The following NIM1K variants were observed in gnomAD, a reference collection of about 807,000 sequenced individuals.
The protein encoded by NIM1K is NIM1 serine/threonine protein kinase, also known as serine/threonine-protein kinase NIM1.
A neutral mutation model predicts 37.1 loss-of-function variants in NIM1K; 35 were observed. The observed-to-expected ratio is 0.94, with a 90% CI of 0.72 to 1.25. The LOEUF (loss-of-function observed/expected upper bound fraction) is 1.25. NIM1K is among the 50% of genes most tolerant of loss of function. The pLI, the probability that NIM1K is intolerant of heterozygous loss-of-function variation, is 0.00. For synonymous variants in NIM1K, 234 were observed against 206.6 expected, an observed-to-expected ratio of 1.13 and a Z score of -1.14; for missense variants, 564 against 548.0, an observed-to-expected ratio of 1.03 and a Z score of -0.29.
intron 1 of NIM1K, among the ~76,000 whole-genome samples, chr5:43,228,441 C>T (rs1289632546): frequency 1.3e-5 from 2 of 152,038 alleles, no homozygotes; most frequent in African/African-American, 2.4e-5. Flanking sequence ...CCACCGCACC[C>T]GGCCGAGACC....
intron 1 of NIM1K, among the ~76,000 whole-genome samples, chr5:43,226,022 A>C (rs1322743263): frequency 6.6e-6 from 1 of 152,216 alleles, no homozygotes; most frequent in Non-Finnish European, 1.5e-5. Context: ...ATGAGTCTTA[A>C]AGGAGCAGTA....
rs754702836 is a variant in NIM1K at position 43,279,988 on chromosome 5, C to A, written c.570C>A (p.Asn190Lys). The A allele has an allele frequency of 7.2e-5, 115 of 1,605,980 alleles. No individual in the cohort carries two copies. Among genetic ancestry groups the A allele is most frequent in the Non-Finnish European group, 7.4e-5 (87 of 1,173,642 alleles). The change falls in exon 4 of 4, where the codon AAC becomes AAA. Residue 190 changes from asparagine to lysine, a missense_variant. Coordinates refer to ENST00000326035, the MANE Select transcript of NIM1K (RefSeq NM_153361.4). Reference protein sequence around the residue: ...IVSAVKHMHENQIIHRDLKAE... With the variant: ...IVSAVKHMHEKQIIHRDLKAE... The stretch of plus-strand genomic sequence containing the variant: ...TATGTCTTCTTCCACAGCATGAAAA[C>A]CAAATTATTCATAGAGATCTGAAAG...
intron 1 of NIM1K, among the ~76,000 whole-genome samples, chr5:43,235,292 T>G (rs937598906): frequency 6.6e-6 from 1 of 152,262 alleles, no homozygotes. Flanking sequence ...TTATTTATTA[T>G]GCCAAATTAT....
intron 1 of NIM1K, among the ~76,000 whole-genome samples, chr5:43,195,993 C>T (rs1329946641): frequency 6.6e-6 from 1 of 152,110 alleles, no homozygotes; most frequent in Non-Finnish European, 1.5e-5. Context: ...GATGGTTTTC[C>T]AGAAAGCAGT....
chr5:43,249,850 GTTT>G (rs70994677), intron 2 of NIM1K, among the ~76,000 whole-genome samples: 3 of 116,164 alleles, frequency 2.6e-5, no homozygotes, highest in Admixed American at 2.0e-4. Context: ...GTATGGATTA[GTTT>G]TTTTTTTTTT....
chr5:43,272,941 C>A (rs1393590176), intron 2 of NIM1K, among the ~76,000 whole-genome samples: 3 of 152,130 alleles, frequency 2.0e-5, no homozygotes, highest in African/African-American at 7.2e-5. Flanking sequence ...CATACAATAA[C>A]CTTGCTTTGC....
intron 1 of NIM1K, among the ~76,000 whole-genome samples, chr5:43,213,500 T>C (rs1386842035): frequency 1.3e-5 from 2 of 151,742 alleles, no homozygotes; most frequent in Non-Finnish European, 2.9e-5. Flanking sequence ...TGGCTATTTT[T>C]TTTTTCTTTT....
At chr5:43,229,384 C>A (rs1287763191) in intron 1 of NIM1K, among the ~76,000 whole-genome samples, 438 of 89,898 alleles carry the variant, frequency 4.9e-3, no homozygotes, top group Middle Eastern at 0.014. Context: ...AACTCCATCT[C>A]AAAAAAAAAA....
At chr5:43,228,986 T>G (rs1752499966) in intron 1 of NIM1K, among the ~76,000 whole-genome samples, 1 of 152,244 alleles carries the variant, frequency 6.6e-6, no homozygotes, top group South Asian at 2.1e-4. Context: ...GATACTGTTT[T>G]GTCGAAATTA....
intron 1 of NIM1K, among the ~76,000 whole-genome samples, chr5:43,223,631 T>G (rs1367294955): frequency 6.6e-6 from 1 of 152,222 alleles, no homozygotes; most frequent in African/African-American, 2.4e-5. Flanking sequence ...GTTACTTTCC[T>G]TTTGTTAAAT....
chr5:43,200,242 C>G (rs1751997553), intron 1 of NIM1K, among the ~76,000 whole-genome samples: 1 of 152,122 alleles, frequency 6.6e-6, no homozygotes, highest in African/African-American at 2.4e-5. Context: ...ATTCTATGTT[C>G]ACCCTTCTTA....
chr5:43,247,719 T>A (rs542693182), intron 2 of NIM1K, among the ~76,000 whole-genome samples: 1 of 152,216 alleles, frequency 6.6e-6, no homozygotes, highest in African/African-American at 2.4e-5. Context: ...AACTTGCACA[T>A]ACTGCAGACA....
intron 1 of NIM1K, among the ~76,000 whole-genome samples, chr5:43,195,576 C>T (rs1372238466): frequency 2.7e-5 from 4 of 150,080 alleles, no homozygotes; most frequent in African/African-American, 9.8e-5. Context: ...AGGAGGATTG[C>T]TTGAGCCTGG....
Position 43,272,814 on chromosome 5 carries a change from T to A in NIM1K, c.293-4243T>A, listed in dbSNP as rs113687548. Reference sequence around the variant, plus strand: ...TTCTCTTGAAAAAAAATCAGAAGGTTTGACAACACTGAGCCTCCATTCCAA... The same window carrying A: ...TTCTCTTGAAAAAAAATCAGAAGGTATGACAACACTGAGCCTCCATTCCAA... On this transcript the variant is annotated intron_variant, in intron 2 of 3. Coordinates refer to ENST00000326035, the MANE Select transcript of NIM1K (RefSeq NM_153361.4). 7.6e-3 allele frequency among the ~76,000 whole-genome samples: 1,164 copies of A among 152,244 alleles called. 18 individuals carry two copies. The highest frequency in any genetic ancestry group is 0.027 in the African/African-American group (1,109 of 41,550).
intron 2 of NIM1K, among the ~76,000 whole-genome samples, chr5:43,257,205 A>G (rs551765927): frequency 1.3e-5 from 2 of 152,118 alleles, no homozygotes; most frequent in Admixed American, 1.3e-4. Context: ...CCAAGTGAAA[A>G]AGGTATTTTT....
At chr5:43,264,966 T>C (rs1272807850) in intron 2 of NIM1K, among the ~76,000 whole-genome samples, 1 of 152,224 alleles carries the variant, frequency 6.6e-6, no homozygotes, top group Non-Finnish European at 1.5e-5. Context: ...TTCTGGCTTG[T>C]AGAGTTTCTG....
At chr5:43,195,361 C>T (rs1394152835) in intron 1 of NIM1K, among the ~76,000 whole-genome samples, 2 of 152,126 alleles carry the variant, frequency 1.3e-5, no homozygotes, top group Non-Finnish European at 2.9e-5. Flanking sequence ...AAGTTGTGTT[C>T]AAAAGCCAAG....
chr5:43,271,835 C>T (rs368516750), intron 2 of NIM1K, among the ~76,000 whole-genome samples: 3 of 152,206 alleles, frequency 2.0e-5, no homozygotes, highest in Non-Finnish European at 4.4e-5. Context: ...CCCCCTATAC[C>T]CTGTCCCTGA....
At chr5:43,271,656 A>ATTT (rs1222098171) in intron 2 of NIM1K, among the ~76,000 whole-genome samples, 1 of 152,172 alleles carries the variant, frequency 6.6e-6, no homozygotes, top group Non-Finnish European at 1.5e-5. Context: ...TAATTCACTG[A>ATTT]TCTTATTAAG....
Sources: allele counts gnomAD v4.1 joint callset (sites outside exome capture counted in the v4.1 genomes callset), GRCh38; gene constraint gnomAD v4.1.1; transcripts MANE v1.5; gene names NCBI Gene and HGNC (gene_info 2026-07-23, HGNC 2026-07-21).